The following PIK3C2G variants were observed in gnomAD, a reference collection of about 807,000 sequenced individuals.
The protein encoded by PIK3C2G is phosphatidylinositol 3-kinase C2 domain-containing subunit gamma.
Under a neutral mutation model 181.1 loss-of-function variants are expected in PIK3C2G, and 168 were observed. The observed-to-expected ratio is 0.93, with a 90% confidence interval of 0.82 to 1.05. The LOEUF is 1.05. Ranked by LOEUF, PIK3C2G falls within the 50% of genes least tolerant of loss-of-function variation. The probability of loss-of-function intolerance (pLI) is 0.00; values close to 1 mark genes in which losing one functional copy is unlikely to be tolerated. For synonymous variants in PIK3C2G, 573 were observed against 592.2 expected, an observed-to-expected ratio of 0.97 and a Z score of 0.47; for missense variants, 1,869 against 1,732.8, an observed-to-expected ratio of 1.08 and a Z score of -1.40.
chr12:18,255,281 G>GA (rs964274892), intron 1 of PIK3C2G, among the ~76,000 whole-genome samples: 2 of 145,366 alleles, frequency 1.4e-5, no homozygotes, highest in African/African-American at 5.0e-5. Context: ...ATAAATGAAA[G>GA]AAAAAAAGAA....
At chr12:18,357,906 C>T (rs1269653302) in intron 11 of PIK3C2G, among the ~76,000 whole-genome samples, 1 of 152,082 alleles carries the variant, frequency 6.6e-6, no homozygotes, top group Non-Finnish European at 1.5e-5. Flanking sequence ...AATATTTATC[C>T]ATGTTGTAGT....
intron 13 of PIK3C2G, among the ~76,000 whole-genome samples, chr12:18,374,175 T>G (rs1009029081): frequency 6.6e-6 from 1 of 152,188 alleles, no homozygotes; most frequent in African/African-American, 2.4e-5. Context: ...AAGATTCTAA[T>G]TTGATTGGTC....
At chr12:18,546,119 T>C (rs575504002) in intron 25 of PIK3C2G, among the ~76,000 whole-genome samples, 1 of 152,096 alleles carries the variant, frequency 6.6e-6, no homozygotes, top group African/African-American at 2.4e-5. Flanking sequence ...TCTTTTGTTA[T>C]AGTTGTTATT....
chr12:18,515,735 TC>T (rs1373609844), intron 24 of PIK3C2G, among the ~76,000 whole-genome samples: 1 of 152,056 alleles, frequency 6.6e-6, no homozygotes, highest in Non-Finnish European at 1.5e-5. Flanking sequence ...CTTTGTTGTT[TC>T]TTTCCTTCCA....
Position 18,594,505 on chromosome 12 carries a change from A to AC in PIK3C2G, c.4024dup (p.Leu1342ProfsTer2). 6.4e-7 allele frequency: 1 copy of AC among 1,553,162 alleles called. No individual in the cohort carries two copies. Among genetic ancestry groups the AC allele is most frequent in the Non-Finnish European group, 8.7e-7 (1 of 1,153,888 alleles). On this transcript the variant is annotated frameshift_variant, in exon 30 of 33. Transcript: ENST00000538779. LOFTEE classifies it high-confidence loss of function. ...ATTTTGTTTTTCAGAGTGATTGTGT[A>AC]CTTAGCTTTTTCCTCTCTGAGGCTG...
rs1053628612 is a variant in PIK3C2G at position 18,535,476 on chromosome 12, A to G, written c.3324-2680A>G. 3.9e-5 allele frequency among the ~76,000 whole-genome samples: 6 copies of G among 152,134 alleles called. No homozygotes were observed. The East Asian group carries it at 5.8e-4, about 15-fold the overall frequency. ...ATGGTGTTTCTGCATCTGATTTCTA[A>G]TAATGGTGACTATGGACAAAAGAAA... On this transcript the variant is annotated intron_variant, in intron 24 of 32. Coordinates refer to ENST00000538779, the MANE Select transcript of PIK3C2G (RefSeq NM_001288772.2).
chr12:18,607,269 C>G, intron 30 of PIK3C2G: 1 of 457,794 alleles, frequency 2.2e-6, no homozygotes, highest in South Asian at 1.6e-5. Flanking sequence ...ATAGTAGAGC[C>G]TGTTTGTAGA....
the PIK3C2G span, among the ~76,000 whole-genome samples, chr12:18,655,451 A>T: frequency 1.3e-5 from 2 of 152,222 alleles, no homozygotes; most frequent in Non-Finnish European, 2.9e-5. Context: ...ATCCACGCAG[A>T]ATTCCTAATT....
At chr12:18,490,832 A>G (rs1360046248) in intron 19 of PIK3C2G, among the ~76,000 whole-genome samples, 3 of 152,194 alleles carry the variant, frequency 2.0e-5, no homozygotes, top group Non-Finnish European at 2.9e-5. Context: ...TAGGATGCAC[A>G]ATTTAAAGGT....
At chr12:18,351,821 T>G (rs529478811) in intron 11 of PIK3C2G, among the ~76,000 whole-genome samples, 5 of 152,330 alleles carry the variant, frequency 3.3e-5, no homozygotes, top group South Asian at 4.1e-4. Flanking sequence ...TGGGGAATTA[T>G]GTTCTGAGAA....
At chr12:18,555,224 G>A (rs542034058) in intron 26 of PIK3C2G, among the ~76,000 whole-genome samples, 1 of 152,244 alleles carries the variant, frequency 6.6e-6, no homozygotes, top group South Asian at 2.1e-4. Flanking sequence ...TCCATCAGGT[G>A]TTGCCTAAGA....
At chr12:18,353,923 G>C (rs1272973108) in intron 11 of PIK3C2G, among the ~76,000 whole-genome samples, 1 of 152,164 alleles carries the variant, frequency 6.6e-6, no homozygotes, top group Non-Finnish European at 1.5e-5. Context: ...ATGCACACCT[G>C]TAAGTGTCTC....
At chr12:18,424,499 CA>C (rs1283306929) in intron 18 of PIK3C2G, among the ~76,000 whole-genome samples, 1 of 152,098 alleles carries the variant, frequency 6.6e-6, no homozygotes, top group Non-Finnish European at 1.5e-5. Flanking sequence ...AAACTTTTCC[CA>C]AAGCATAAAT....
intron 18 of PIK3C2G, among the ~76,000 whole-genome samples, chr12:18,476,707 G>A (rs1462667902): frequency 6.6e-6 from 1 of 152,120 alleles, no homozygotes; most frequent in Admixed American, 6.6e-5. Flanking sequence ...CTCATTTTTA[G>A]TTAGGGTGAT....
the PIK3C2G span, chr12:18,683,545 TCTC>T: frequency 2.0e-6 from 3 of 1,501,974 alleles, no homozygotes; most frequent in African/African-American, 1.4e-5. Flanking sequence ...AGCTCATACT[TCTC>T]CTTCCGCAAA....
chr12:18,355,711 G>A (rs1940666553), intron 11 of PIK3C2G, among the ~76,000 whole-genome samples: 1 of 152,162 alleles, frequency 6.6e-6, no homozygotes, highest in African/African-American at 2.4e-5. Context: ...GGATGAGAAG[G>A]GAACCACCAT....
chr12:18,315,127 G>A (rs1041282863), intron 6 of PIK3C2G, among the ~76,000 whole-genome samples: 6 of 152,116 alleles, frequency 3.9e-5, no homozygotes, highest in African/African-American at 1.4e-4. Flanking sequence ...CAGATTTCCA[G>A]TGGATGTTTT....
Position 18,538,364 on chromosome 12 carries a change from T to C in PIK3C2G, c.3480+52T>C, listed in dbSNP as rs370995511. 15 of 1,490,410 alleles carry C rather than the reference T, an allele frequency of 1.0e-5. No individual in the cohort carries two copies. The African/African-American group carries it at 1.8e-4, about 18-fold the overall frequency. 92.3% of individuals were successfully genotyped at this position (1,490,410 alleles called of 1,614,324 possible). A position where few individuals can be genotyped will look rare whatever the true frequency, so the allele number is the denominator to read the frequency against. On this transcript the variant is annotated intron_variant, in intron 25 of 32. Coordinates refer to ENST00000538779, the MANE Select transcript of PIK3C2G (RefSeq NM_001288772.2). ...AAATAATAAGCTTCATTTATGCCTC[T>C]GCTTCAGTAGTCTATTTTTACTAAT...
chr12:18,671,604 A>T, the PIK3C2G span, among the ~76,000 whole-genome samples: 1 of 152,208 alleles, frequency 6.6e-6, no homozygotes, highest in Non-Finnish European at 1.5e-5. Context: ...GCACATCACA[A>T]GTGGTGAGGA....
Sources: allele counts gnomAD v4.1 joint callset (sites outside exome capture counted in the v4.1 genomes callset), GRCh38; gene constraint gnomAD v4.1.1; transcripts MANE v1.5; gene names NCBI Gene and HGNC (gene_info 2026-07-23, HGNC 2026-07-21).